The following FLT3 variants were observed in gnomAD, a reference collection of about 807,000 sequenced individuals.
The protein encoded by FLT3 is receptor-type tyrosine-protein kinase FLT3.
FLT3 carries 46 observed loss-of-function variants against 126.6 expected under a neutral mutation model. The ratio of observed to expected loss-of-function variants is 0.36; its 90% CI spans 0.29 to 0.46. The LOEUF is 0.46. Ranked by LOEUF, FLT3 falls within the 20% of genes least tolerant of loss-of-function variation. FLT3 has a pLI of 1.00. For missense variants in FLT3, 1,069 were observed against 1,190.3 expected, an observed-to-expected ratio of 0.90 and a Z score of 1.50; for synonymous variants, 404 against 434.4, an observed-to-expected ratio of 0.93 and a Z score of 0.87.
intron 4 of FLT3, among the ~76,000 whole-genome samples, chr13:28,053,308 CT>C (rs60708568): frequency 1.2e-3 from 177 of 143,616 alleles, no homozygotes; most frequent in Middle Eastern, 3.5e-3. Context: ...TTCTGACAAA[CT>C]TTTTTTTTTT....
intron 1 of FLT3, among the ~76,000 whole-genome samples, chr13:28,081,296 TTTCTC>T (rs55832899): frequency 0.53 from 79,926 of 151,512 alleles, 22,501 homozygotes; most frequent in East Asian, 0.72. Flanking sequence ...TCTTACTTAA[TTTCTC>T]TTATCAATGT....
chr13:28,038,752 C>T (rs559570014), intron 9 of FLT3, among the ~76,000 whole-genome samples: 1 of 152,112 alleles, frequency 6.6e-6, no homozygotes, highest in African/African-American at 2.4e-5. Context: ...TGCGCCCAGC[C>T]TAGCCTACTT....
intron 9 of FLT3, among the ~76,000 whole-genome samples, chr13:28,046,946 T>G (rs1874939462): frequency 6.6e-6 from 1 of 151,942 alleles, no homozygotes; most frequent in Non-Finnish European, 1.5e-5. Flanking sequence ...TCATACTAAG[T>G]CTTCAAAATC....
In FLT3 at chr13:28,033,614, C is replaced by G. The variant is rs543240475; in HGVS notation, c.1942+273G>C. 3.2e-4 allele frequency among the ~76,000 whole-genome samples: 48 copies of G among 152,194 alleles called. No individual in the cohort carries two copies. The South Asian group carries it at 9.8e-3, about 31-fold the overall frequency. On this transcript the variant is annotated intron_variant, in intron 15 of 23. Transcript: ENST00000241453. ...TGAGCCATGATCACACTACTGTACT[C>G]CAGCCTAGGTGACAGAGTGAGACCC...
In FLT3 at chr13:28,018,172, T is replaced by A. The variant is rs147714124; in HGVS notation, c.2541+295A>T. On this transcript the variant is annotated intron_variant, in intron 20 of 23. Coordinates refer to ENST00000241453, the MANE Select transcript of FLT3 (RefSeq NM_004119.3). ...CTAGGATAACTGAACTAAGTGCAAG[T>A]ATTGAGATTTTGGGTTTTTTAAAGT... is the stretch of plus-strand genomic sequence containing the variant. 5.5e-4 allele frequency among the ~76,000 whole-genome samples: 84 copies of A among 152,288 alleles called. 1 individual carries two copies. The East Asian group carries it at 0.013, about 23-fold the overall frequency.
chr13:28,059,951 T>A (rs558934689), intron 3 of FLT3, among the ~76,000 whole-genome samples: 1 of 149,490 alleles, frequency 6.7e-6, no homozygotes, highest in East Asian at 2.0e-4. Context: ...AGAGCAAGAC[T>A]CTGCCTCAAT....
chr13:28,082,189 C>G (rs796915698), intron 1 of FLT3, among the ~76,000 whole-genome samples: 1 of 152,008 alleles, frequency 6.6e-6, no homozygotes, highest in Non-Finnish European at 1.5e-5. Flanking sequence ...CTTGCTCTGT[C>G]GCCCAGGCTG....
intron 1 of FLT3, among the ~76,000 whole-genome samples, chr13:28,083,348 G>C (rs1350572976): frequency 6.6e-6 from 1 of 152,134 alleles, no homozygotes; most frequent in Non-Finnish European, 1.5e-5. Flanking sequence ...ATAAACATCA[G>C]CGGGACATCA....
chr13:28,058,665 A>T lies in FLT3; in HGVS notation c.369-1203T>A, dbSNP rs1475622917. Among the ~76,000 whole-genome samples, 4 of 152,260 alleles carry T rather than the reference A, an allele frequency of 2.6e-5. No individual in the cohort carries two copies. The East Asian group carries it at 5.8e-4, about 22-fold the overall frequency. The stretch of plus-strand genomic sequence containing the variant: ...TCTCAGGTCCCACTGAGACCTACTC[A>T]TCAGAATCTGCATTTTAAACAAGAT... On this transcript the variant is annotated intron_variant, in intron 3 of 23. Transcript: ENST00000241453.
At chr13:28,060,452 A>G (rs1445375672) in intron 3 of FLT3, among the ~76,000 whole-genome samples, 1 of 116,744 alleles carries the variant, frequency 8.6e-6, no homozygotes, top group Non-Finnish European at 1.7e-5. Context: ...AATTGTAAAT[A>G]AGGTAAAAAT....
At chr13:28,043,588 A>T (rs1317433727) in intron 9 of FLT3, among the ~76,000 whole-genome samples, 2 of 152,196 alleles carry the variant, frequency 1.3e-5, no homozygotes, top group African/African-American at 4.8e-5. Context: ...TCACAAACCA[A>T]ATTCGGTTCA....
At chr13:28,024,468 G>A (rs575649270) in intron 18 of FLT3, among the ~76,000 whole-genome samples, 1 of 152,336 alleles carries the variant, frequency 6.6e-6, no homozygotes, top group Non-Finnish European at 1.5e-5. Flanking sequence ...GAGGAAGGTA[G>A]TGTTAGGCCT....
chr13:28,018,781 A>T lies in FLT3; in HGVS notation c.2419-192T>A, dbSNP rs116885747. On this transcript the variant is annotated intron_variant, in intron 19 of 23. Transcript: ENST00000241453. ...ATATAGGAGACCTAATTCTGCAGCT[A>T]TGGTGGCTGCAGTTCTTTGTGCGGC... Among the ~76,000 whole-genome samples the T allele has an allele frequency of 3.0e-3, 463 of 152,304 alleles. 2 individuals carry two copies. Among genetic ancestry groups the T allele is most frequent in the Non-Finnish European group, 3.9e-3 (264 of 68,022 alleles).
At chr13:28,059,322 C>G (rs959177595) in intron 3 of FLT3, among the ~76,000 whole-genome samples, 10 of 152,154 alleles carry the variant, frequency 6.6e-5, no homozygotes, top group Non-Finnish European at 1.3e-4. Flanking sequence ...TAAGGGACAA[C>G]AGGACAGCCA....
chr13:28,012,406 G>A (rs568149111), intron 23 of FLT3, among the ~76,000 whole-genome samples: 85 of 152,216 alleles, frequency 5.6e-4, no homozygotes, highest in Non-Finnish European at 1.0e-3. Flanking sequence ...CTGGCGACAC[G>A]AGCTTTGCAC....
At chr13:28,029,371 G>C (rs1333156547) in intron 15 of FLT3, among the ~76,000 whole-genome samples, 1 of 151,790 alleles carries the variant, frequency 6.6e-6, no homozygotes, top group Non-Finnish European at 1.5e-5. Flanking sequence ...CTCCAGCCTG[G>C]GTGACAGAGC....
rs1555261265 is a variant in FLT3 at position 28,073,015 on chromosome 13, A to AAAAC, written c.44-2404_44-2403insGTTT. The stretch of plus-strand genomic sequence containing the variant: ...GCGAGACTCCGTCTCTAAAAAAAAA[A>AAAAC]AACAACAACAACAAATATGCTTATC... On this transcript the variant is annotated intron_variant, in intron 1 of 23. Coordinates refer to ENST00000241453, the MANE Select transcript of FLT3 (RefSeq NM_004119.3). Among the ~76,000 whole-genome samples the AAAAC allele has an allele frequency of 4.7e-4, 70 of 150,082 alleles. 1 individual carries two copies. The highest frequency in any genetic ancestry group is 1.5e-3 in the African/African-American group (60 of 40,910).
At chr13:28,043,186 A>G (rs1874535826) in intron 9 of FLT3, among the ~76,000 whole-genome samples, 1 of 11,518 alleles carries the variant, frequency 8.7e-5, no homozygotes. Context: ...CAACAGTCCT[A>G]TTCCTTTTTT....
At chr13:28,031,445 A>G (rs1873336109) in intron 15 of FLT3, among the ~76,000 whole-genome samples, 1 of 152,098 alleles carries the variant, frequency 6.6e-6, no homozygotes, top group Non-Finnish European at 1.5e-5. Context: ...GAGAAAGGAG[A>G]GAGCACAGCA....
Sources: allele counts gnomAD v4.1 joint callset (sites outside exome capture counted in the v4.1 genomes callset), GRCh38; gene constraint gnomAD v4.1.1; transcripts MANE v1.5; gene names NCBI Gene and HGNC (gene_info 2026-07-23, HGNC 2026-07-21).